The following DTNB variants were observed in gnomAD, a reference collection of about 807,000 sequenced individuals.
DTNB encodes dystrobrevin beta.
DTNB carries 63 observed loss-of-function variants against 90.7 expected under a neutral mutation model. The ratio of observed to expected loss-of-function variants is 0.69; its 90% CI spans 0.57 to 0.86. The LOEUF (loss-of-function observed/expected upper bound fraction) is 0.86, where lower values mean the gene tolerates loss of function less well. DTNB is among the 40% of genes least tolerant of loss of function. DTNB has a pLI of 0.00. For synonymous variants in DTNB, 277 were observed against 286.7 expected (o/e 0.97, Z 0.34); for missense variants, 744 against 807.1 (o/e 0.92, Z 0.95).
chr2:25,511,724 A>G (rs1003658301), intron 9 of DTNB, among the ~76,000 whole-genome samples: 1 of 152,218 alleles, frequency 6.6e-6, no homozygotes, highest in Admixed American at 6.5e-5. Flanking sequence ...GCTCACTCAG[A>G]TAACATCAGT....
At chr2:25,562,383 A>G (rs2151203929) in intron 8 of DTNB, among the ~76,000 whole-genome samples, 1 of 152,338 alleles carries the variant, frequency 6.6e-6, no homozygotes, top group Middle Eastern at 3.4e-3. Context: ...TAATGTTGCC[A>G]TGACCATTCA....
intron 16 of DTNB, among the ~76,000 whole-genome samples, chr2:25,417,871 T>C (rs2149784956): frequency 6.6e-6 from 1 of 152,308 alleles, no homozygotes; most frequent in Admixed American, 6.5e-5. Context: ...GGGAGGTATT[T>C]CCAACATCTG....
chr2:25,552,381 A>G (rs1458053860), intron 8 of DTNB, among the ~76,000 whole-genome samples: 1 of 152,156 alleles, frequency 6.6e-6, no homozygotes, highest in Admixed American at 6.5e-5. Flanking sequence ...TCCATCCAGC[A>G]CCTGGAACCC....
At chr2:25,455,529 C>T (rs2059892280) in intron 10 of DTNB, 35 bp from the exon 11 acceptor site, 9 of 1,549,408 alleles carry the variant, frequency 5.8e-6, no homozygotes, top group Non-Finnish European at 7.1e-6. Context: ...GCAAGCGTGA[C>T]ACAAACACAT....
intron 10 of DTNB, among the ~76,000 whole-genome samples, chr2:25,467,652 A>G (rs2062049438): frequency 6.6e-6 from 1 of 152,106 alleles, no homozygotes; most frequent in Non-Finnish European, 1.5e-5. Flanking sequence ...ATGGACCACA[A>G]CATGCTGACT....
chr2:25,388,687 A>G (rs1012558126), intron 16 of DTNB: 3 of 288,290 alleles, frequency 1.0e-5, no homozygotes, highest in Admixed American at 9.6e-5. Context: ...CTTGGCTTGC[A>G]GGGCAGGAAG....
chr2:25,457,608 C>T (rs1409807979), intron 10 of DTNB, among the ~76,000 whole-genome samples: 3 of 152,136 alleles, frequency 2.0e-5, no homozygotes, highest in African/African-American at 4.8e-5. Flanking sequence ...TCACTGGCAG[C>T]GCTTGCAGAT....
intron 6 of DTNB, among the ~76,000 whole-genome samples, chr2:25,583,315 C>T (rs1350515658): frequency 1.3e-5 from 2 of 148,264 alleles, no homozygotes; most frequent in African/African-American, 5.0e-5. Context: ...AATAAAATTA[C>T]TGATAGAAGA....
intron 4 of DTNB, among the ~76,000 whole-genome samples, chr2:25,627,735 CCTT>C (rs1342632810): frequency 6.7e-6 from 1 of 148,294 alleles, no homozygotes; most frequent in Non-Finnish European, 1.5e-5. Flanking sequence ...GAATAATTTT[CCTT>C]TTTTTTTTTT....
chr2:25,391,194 C>T (rs1007124160), intron 16 of DTNB, among the ~76,000 whole-genome samples: 4 of 152,146 alleles, frequency 2.6e-5, no homozygotes, highest in East Asian at 1.9e-4. Flanking sequence ...CCGCGCCTGG[C>T]CTAGGCAATG....
At chr2:25,669,904 CAA>C (rs779907434) in intron 1 of DTNB, among the ~76,000 whole-genome samples, 30 of 122,000 alleles carry the variant, frequency 2.5e-4, no homozygotes, top group Non-Finnish European at 2.8e-4. Flanking sequence ...GACCCTATCT[CAA>C]AAAAAAAAAA....
chr2:25,571,220 C>A (rs981229313), intron 8 of DTNB, among the ~76,000 whole-genome samples: 1 of 152,174 alleles, frequency 6.6e-6, no homozygotes, highest in African/African-American at 2.4e-5. Context: ...TACTACTGTC[C>A]GACCATATCT....
At chr2:25,468,475 T>C (rs190302799) in intron 10 of DTNB, among the ~76,000 whole-genome samples, 1 of 152,200 alleles carries the variant, frequency 6.6e-6, no homozygotes, top group African/African-American at 2.4e-5. Context: ...AGTTTGAAGG[T>C]AGTATGTAAG....
intron 16 of DTNB, among the ~76,000 whole-genome samples, chr2:25,407,996 G>C (rs1051053498): frequency 1.3e-5 from 2 of 151,894 alleles, no homozygotes; most frequent in African/African-American, 4.8e-5. Flanking sequence ...GAGGCAGGCT[G>C]ATCACTTGAA....
intron 4 of DTNB, among the ~76,000 whole-genome samples, chr2:25,619,489 C>T (rs1309986874): frequency 6.6e-6 from 1 of 152,178 alleles, no homozygotes; most frequent in Non-Finnish European, 1.5e-5. Flanking sequence ...AATTTTATCA[C>T]AATCAGAATG....
Position 25,387,501 on chromosome 2 carries a change from G to A in DTNB, c.1736-123C>T, listed in dbSNP as rs558186112. 3.7e-5 allele frequency: 31 copies of A among 836,184 alleles called. No individual in the cohort carries two copies. The South Asian group carries it at 5.0e-4, about 13-fold the overall frequency. The allele number at this position is 836,184 out of a possible 1,614,324, so 51.8% of individuals were successfully genotyped here. On this transcript the variant is annotated intron_variant, in intron 17 of 20. Transcript: ENST00000406818. This position sits in a 1 kb window ranked among gnomAD's most constrained non-coding sequence, Gnocchi z 4.5. ...GGTGTGGAACACCTAAGGGGAGATG[G>A]GGCCACAGCAGCTCCACCCATTCCC...
intron 12 of DTNB, among the ~76,000 whole-genome samples, chr2:25,448,223 C>G (rs1471552867): frequency 6.6e-6 from 1 of 152,194 alleles, no homozygotes; most frequent in Non-Finnish European, 1.5e-5. Flanking sequence ...ATGTTTGTCT[C>G]TGTCACTACA....
intron 18 of DTNB, among the ~76,000 whole-genome samples, chr2:25,385,032 C>T (rs1254435884): frequency 6.6e-6 from 1 of 152,048 alleles, no homozygotes; most frequent in African/African-American, 2.4e-5. Context: ...ACATGCACCA[C>T]CATGCCAGGC....
chr2:25,498,334 A>T (rs2150534828), intron 9 of DTNB, among the ~76,000 whole-genome samples: 1 of 152,344 alleles, frequency 6.6e-6, no homozygotes, highest in Non-Finnish European at 1.5e-5. Context: ...TGTGACTGTT[A>T]CTACACACAC....
Sources: gnomAD v4.1 joint callset for allele counts (sites outside exome capture counted in the v4.1 genomes callset) on GRCh38, gnomAD v4.1.1 for gene constraint, Gnocchi (gnomAD v3.1) non-coding constraint, MANE v1.5 for transcripts, NCBI Gene and HGNC (gene_info 2026-07-23, HGNC 2026-07-21) for gene names.